The following SLC7A6 variants were observed in gnomAD, a reference collection of about 807,000 sequenced individuals.
SLC7A6 encodes Y+L amino acid transporter 2.
A neutral mutation model predicts 46.6 loss-of-function variants in SLC7A6; 29 were observed. The observed-to-expected ratio is 0.62, with a 90% CI of 0.46 to 0.85. The LOEUF (loss-of-function observed/expected upper bound fraction) is 0.85, where lower values mean the gene tolerates loss of function less well. SLC7A6 is among the 40% of genes least tolerant of loss of function. The probability of loss-of-function intolerance (pLI) is 0.00; values close to 1 mark genes in which losing one functional copy is unlikely to be tolerated. For synonymous variants in SLC7A6, 276 were observed against 257.3 expected (o/e 1.07, Z -0.70); for missense variants, 527 against 647.6 (o/e 0.81, Z 2.02).
rs557656889 is a variant in SLC7A6, at chr16:68,279,832, T to C, written c.523+4583T>C. Among the ~76,000 whole-genome samples, 468 of 152,332 alleles carry C rather than the reference T, an allele frequency of 3.1e-3. 2 individuals are homozygous for C. The highest frequency in any genetic ancestry group is 5.3e-3 in the Non-Finnish European group (363 of 68,024). On this transcript the variant is annotated intron_variant, in intron 3 of 10. Transcript: ENST00000219343. ...GGGATCATAGGTGTGAGCCTGTAAGTGTGGGCCCGCCAGCCTCTTTCATTC... is the reference window on the plus strand; with the variant it reads ...GGGATCATAGGTGTGAGCCTGTAAGCGTGGGCCCGCCAGCCTCTTTCATTC...
chr16:68,282,917 C>T (rs1370776154), intron 3 of SLC7A6, among the ~76,000 whole-genome samples: 5 of 152,212 alleles, frequency 3.3e-5, no homozygotes, highest in Non-Finnish European at 7.3e-5. Flanking sequence ...TGCGCCCGGC[C>T]TTTCTTCCAC....
chr16:68,276,976 C>T (rs1368118171), intron 3 of SLC7A6, among the ~76,000 whole-genome samples: 5 of 151,334 alleles, frequency 3.3e-5, no homozygotes, highest in Non-Finnish European at 5.9e-5. Flanking sequence ...GCCTGGGTAA[C>T]GGAGCAAGAC....
chr16:68,297,143 G>A, intron 10 of SLC7A6, 91 bp from the exon 11 acceptor site: 1 of 1,219,728 alleles, frequency 8.2e-7, no homozygotes. Flanking sequence ...CAGGTGGCGA[G>A]GGAGCCATAG....
chr16:68,265,478 G>A (rs771784152), intron 1 of SLC7A6: 1 of 152,162 alleles, frequency 6.6e-6, no homozygotes, highest in African/African-American at 2.4e-5. Flanking sequence ...CCTTGATAGG[G>A]GAAAAAGCCA....
chr16:68,287,931 G>A, intron 4 of SLC7A6, 60 bp downstream of exon 4: 1 of 1,591,526 alleles, frequency 6.3e-7, no homozygotes, highest in Non-Finnish European at 8.6e-7. Flanking sequence ...AGGAGAACAT[G>A]GCGACTCTGT....
chr16:68,284,487 C>T (rs1253618181), intron 3 of SLC7A6: 1 of 216,036 alleles, frequency 4.6e-6, no homozygotes, highest in East Asian at 1.8e-4. Context: ...TTGGAATGGA[C>T]TCTGCAGGCA....
intron 2 of SLC7A6, among the ~76,000 whole-genome samples, chr16:68,270,025 C>G (rs1258408638): frequency 1.3e-5 from 2 of 152,126 alleles, no homozygotes; most frequent in African/African-American, 4.8e-5. Context: ...GCCTTAGCCT[C>G]CAGAGTAGCT....
At position 68,300,557 on chromosome 16, in the gene SLC7A6, C is replaced by G. The variant is rs2043252305; in HGVS notation, c.*3229C>G. On this transcript the variant is annotated 3_prime_UTR_variant, in exon 11 of 11. Coordinates refer to ENST00000219343, the MANE Select transcript of SLC7A6 (RefSeq NM_003983.6). Reference sequence around the variant, plus strand: ...ATAATCAATGCTGAACCTTCTATTTCACTACCGCTCCCTGTTTTAGATATT... The same window carrying G: ...ATAATCAATGCTGAACCTTCTATTTGACTACCGCTCCCTGTTTTAGATATT... 1.1e-6 allele frequency: 1 copy of G among 938,468 alleles called. No homozygotes were observed. The highest frequency in any genetic ancestry group is 4.9e-5 in the South Asian group (1 of 20,330). The allele number at this position is 938,468 out of a possible 1,614,324, so 58.1% of individuals were successfully genotyped here. A position where few individuals can be genotyped will look rare whatever the true frequency, so the allele number is the denominator to read the frequency against.
chr16:68,296,730 C>A lies in SLC7A6; in HGVS notation c.1373C>A (p.Ala458Asp). 6.2e-7 allele frequency: 1 copy of A among 1,614,198 alleles called. No homozygotes were observed. Among genetic ancestry groups the A allele is most frequent in the Non-Finnish European group, 8.5e-7 (1 of 1,180,038 alleles). The change falls in exon 10 of 11, where the codon GCC becomes GAC. Residue 458 changes from alanine (A) to aspartate (D), a missense_variant. Transcript: ENST00000219343. ...AATTCCCTCATTGGCATCGGGATTG[C>A]CCTTTCTGGAGTCCCTTTCTACTTC... Reference protein sequence around the residue: ...TINSLIGIGIALSGVPFYFMG... With the variant: ...TINSLIGIGIDLSGVPFYFMG...
intron 2 of SLC7A6, chr16:68,273,122 C>T (rs1052458912): frequency 6.6e-6 from 1 of 152,140 alleles, no homozygotes; most frequent in African/African-American, 2.4e-5. Context: ...GGTCTCAGGT[C>T]CAGACTTGAA....
Position 68,275,911 on chromosome 16 carries a change from C to T in SLC7A6, c.523+662C>T, listed in dbSNP as rs373951370. ...CTAGTTGTAAGCCCAGAAAAAAACC[C>T]CACCAGTGTTGAGGCCTTTATTCTG... On this transcript the variant is annotated intron_variant, in intron 3 of 10. Transcript: ENST00000219343. Among the ~76,000 whole-genome samples the T allele has an allele frequency of 2.6e-5, 4 of 152,066 alleles. No homozygotes were observed. The South Asian group carries it at 8.3e-4, about 32-fold the overall frequency.
At chr16:68,282,560 C>T (rs1157955300) in intron 3 of SLC7A6, among the ~76,000 whole-genome samples, 1 of 152,086 alleles carries the variant, frequency 6.6e-6, no homozygotes, top group Non-Finnish European at 1.5e-5. Flanking sequence ...GAGAGCATTT[C>T]ACTCCTGAAT....
intron 7 of SLC7A6, among the ~76,000 whole-genome samples, chr16:68,293,757 A>G (rs1156909415): frequency 6.6e-6 from 1 of 152,102 alleles, no homozygotes; most frequent in East Asian, 1.9e-4. Context: ...TTTTCCACCT[A>G]CCGACTTGCT....
chr16:68,300,365 T>A lies in SLC7A6; in HGVS notation c.*3037T>A, dbSNP rs760381003. 1 of 152,928 alleles carries A rather than the reference T, an allele frequency of 6.5e-6. No homozygotes were observed. Among genetic ancestry groups the A allele is most frequent in the African/African-American group, 2.4e-5 (1 of 41,462 alleles). The allele number at this position is 152,928 out of a possible 1,614,324, so 9.5% of individuals were successfully genotyped here. ...AAGGCAGCTATGGTTTGGAAAGGCA[T>A]ACGGACAGAGTCTGCTTAGAAGAGA... On this transcript the variant is annotated 3_prime_UTR_variant, in exon 11 of 11. Transcript: ENST00000219343.
chr16:68,296,037 T>C (rs2043157562), intron 8 of SLC7A6, among the ~76,000 whole-genome samples: 1 of 152,202 alleles, frequency 6.6e-6, no homozygotes, highest in South Asian at 2.1e-4. Context: ...AACCCCTCTC[T>C]AGGACACCGT....
chr16:68,297,026 C>T (rs1357281662), intron 10 of SLC7A6, among the ~76,000 whole-genome samples: 2 of 152,166 alleles, frequency 1.3e-5, no homozygotes, highest in African/African-American at 4.8e-5. Flanking sequence ...CAACACAAAT[C>T]ACCTGGGAAG....
At chr16:68,277,563 G>A (rs955253285) in intron 3 of SLC7A6, among the ~76,000 whole-genome samples, 1 of 151,712 alleles carries the variant, frequency 6.6e-6, no homozygotes, top group Non-Finnish European at 1.5e-5. Flanking sequence ...CGCCCGCCTC[G>A]GCCTCCCAAA....
intron 2 of SLC7A6, chr16:68,273,854 TC>T (rs2042663719): frequency 6.6e-6 from 1 of 151,360 alleles, no homozygotes; most frequent in African/African-American, 2.4e-5. Context: ...AACCTCCGAC[TC>T]CCTGGTTCAA....
At chr16:68,278,105 C>T (rs574916440) in intron 3 of SLC7A6, among the ~76,000 whole-genome samples, 3 of 151,924 alleles carry the variant, frequency 2.0e-5, no homozygotes, top group African/African-American at 7.2e-5. Context: ...TATAGGTGCG[C>T]ACCACCATGC....
Sources: allele counts gnomAD v4.1 joint callset (sites outside exome capture counted in the v4.1 genomes callset), GRCh38; gene constraint gnomAD v4.1.1; transcripts MANE v1.5; gene names NCBI Gene and HGNC (gene_info 2026-07-23, HGNC 2026-07-21).